The following TMEM132D variants were observed in gnomAD, a reference collection of about 807,000 sequenced individuals.
TMEM132D encodes mature OL transmembrane protein.
Under a neutral mutation model 62.3 loss-of-function variants are expected in TMEM132D, and 21 were observed. The observed-to-expected ratio is 0.34, with a 90% confidence interval of 0.24 to 0.49. The LOEUF (loss-of-function observed/expected upper bound fraction) is 0.49, where lower values mean the gene tolerates loss of function less well. Among genes scored for constraint, TMEM132D ranks in the 20% least tolerant of loss-of-function variants. The probability of loss-of-function intolerance (pLI) is 0.99; values close to 1 mark genes in which losing one functional copy is unlikely to be tolerated. For synonymous variants in TMEM132D, 621 were observed against 575.6 expected, an observed-to-expected ratio of 1.08 and a Z score of -1.13; for missense variants, 1,346 against 1,402.8, an observed-to-expected ratio of 0.96 and a Z score of 0.65.
intron 1 of TMEM132D, among the ~76,000 whole-genome samples, chr12:129,784,924 C>T (rs1033046251): frequency 6.6e-6 from 1 of 152,166 alleles, no homozygotes; most frequent in Admixed American, 6.5e-5. Flanking sequence ...CTAACCTCAA[C>T]ATCATCTATG....
At chr12:129,797,684 C>A (rs1871608278) in intron 1 of TMEM132D, among the ~76,000 whole-genome samples, 1 of 152,190 alleles carries the variant, frequency 6.6e-6, no homozygotes, top group African/African-American at 2.4e-5. Context: ...CAGGTGGAAG[C>A]CATTGTGCCT....
chr12:129,726,390 G>A (rs1156371745), intron 1 of TMEM132D, among the ~76,000 whole-genome samples: 1 of 152,072 alleles, frequency 6.6e-6, no homozygotes, highest in East Asian at 1.9e-4. Context: ...TACTGCAGGA[G>A]GTGCATTTGG....
intron 3 of TMEM132D, among the ~76,000 whole-genome samples, chr12:129,358,306 CTTGTTGT>C (rs530928931): frequency 1.4e-4 from 21 of 151,848 alleles, no homozygotes; most frequent in Non-Finnish European, 2.5e-4. Context: ...TTCTGGAACC[CTTGTTGT>C]TTGTTGGTTA....
intron 3 of TMEM132D, among the ~76,000 whole-genome samples, chr12:129,477,247 T>C (rs1874290960): frequency 6.6e-6 from 1 of 152,164 alleles, no homozygotes; most frequent in Non-Finnish European, 1.5e-5. Context: ...AGTCGTAAGA[T>C]GAGACGTTTG....
chr12:129,147,811 T>C (rs1160023899), intron 5 of TMEM132D, among the ~76,000 whole-genome samples: 5 of 152,216 alleles, frequency 3.3e-5, no homozygotes, highest in Non-Finnish European at 7.3e-5. Context: ...CAGCAAGCTT[T>C]TTGTGGGACA....
chr12:129,324,671 A>C (rs1868841457), intron 4 of TMEM132D, among the ~76,000 whole-genome samples: 1 of 152,022 alleles, frequency 6.6e-6, no homozygotes, highest in Non-Finnish European at 1.5e-5. Context: ...CCTACTAGAA[A>C]TACAAAAAAT....
intron 1 of TMEM132D, among the ~76,000 whole-genome samples, chr12:129,720,591 C>A (rs570936556): frequency 4.8e-4 from 73 of 152,276 alleles, no homozygotes; most frequent in African/African-American, 1.7e-3. Flanking sequence ...AGTGCCGTGG[C>A]TGGGCCGTCT....
At chr12:129,252,156 T>C (rs1472069151) in intron 4 of TMEM132D, among the ~76,000 whole-genome samples, 1 of 152,232 alleles carries the variant, frequency 6.6e-6, no homozygotes, top group Non-Finnish European at 1.5e-5. Context: ...TTCTGGCTTT[T>C]ATATTTCAAA....
intron 4 of TMEM132D, among the ~76,000 whole-genome samples, chr12:129,270,599 T>C (rs1880827659): frequency 6.6e-6 from 1 of 152,222 alleles, no homozygotes; most frequent in African/African-American, 2.4e-5. Flanking sequence ...AGGGCTTCCC[T>C]TGGATCTTTG....
chr12:129,773,033 C>T (rs1313066230), intron 1 of TMEM132D, among the ~76,000 whole-genome samples: 1 of 152,072 alleles, frequency 6.6e-6, no homozygotes, highest in East Asian at 1.9e-4. Context: ...GAAGAGTCAG[C>T]GGTTTGTTAG....
intron 3 of TMEM132D, among the ~76,000 whole-genome samples, chr12:129,398,910 A>G (rs556874031): frequency 2.6e-5 from 4 of 152,238 alleles, no homozygotes; most frequent in African/African-American, 7.2e-5. Flanking sequence ...TTGTGCTGCT[A>G]TAAGAGAATA....
At chr12:129,859,090 C>CA (rs1267411425) in intron 1 of TMEM132D, among the ~76,000 whole-genome samples, 1 of 150,666 alleles carries the variant, frequency 6.6e-6, no homozygotes, top group Non-Finnish European at 1.5e-5. Flanking sequence ...GGTGCCCTTA[C>CA]AAAAGAGTCC....
intron 1 of TMEM132D, among the ~76,000 whole-genome samples, chr12:129,725,269 T>A (rs943378908): frequency 6.6e-5 from 10 of 152,242 alleles, no homozygotes; most frequent in Non-Finnish European, 1.0e-4. Context: ...TAAATAATGG[T>A]ACAACGAGTC....
intron 3 of TMEM132D, among the ~76,000 whole-genome samples, chr12:129,346,796 A>G (rs1188521426): frequency 6.6e-6 from 1 of 152,298 alleles, no homozygotes; most frequent in Non-Finnish European, 1.5e-5. Context: ...ATGATTGTAT[A>G]TTTAGAAAAC....
At chr12:129,624,417 GAGTGGA>G (rs1194990965) in intron 2 of TMEM132D, among the ~76,000 whole-genome samples, 10 of 152,360 alleles carry the variant, frequency 6.6e-5, no homozygotes, top group African/African-American at 2.4e-4. Flanking sequence ...AAAGACATGT[GAGTGGA>G]ACAAAGAAGA....
chr12:129,390,556 C>T (rs1422634064), intron 3 of TMEM132D, among the ~76,000 whole-genome samples: 1 of 152,180 alleles, frequency 6.6e-6, no homozygotes, highest in Non-Finnish European at 1.5e-5. Context: ...TAAAGAAGAA[C>T]TGAGTGCTTT....
At chr12:129,621,160 G>C (rs896742197) in intron 2 of TMEM132D, among the ~76,000 whole-genome samples, 2 of 151,880 alleles carry the variant, frequency 1.3e-5, no homozygotes, top group African/African-American at 4.8e-5. Flanking sequence ...CCTCATCTCA[G>C]AACAAACACT....
chr12:129,674,210 G>C (rs1048327670), intron 2 of TMEM132D, among the ~76,000 whole-genome samples: 2 of 152,192 alleles, frequency 1.3e-5, no homozygotes, highest in African/African-American at 4.8e-5. Flanking sequence ...ATTTGAAATA[G>C]GCCCTGGAAG....
chr12:129,485,808 T>C (rs1407849520), intron 3 of TMEM132D, among the ~76,000 whole-genome samples: 2 of 152,188 alleles, frequency 1.3e-5, no homozygotes, highest in East Asian at 1.9e-4. Flanking sequence ...TCTGAATCCT[T>C]ACCTGGCATC....
Sources: gnomAD v4.1 joint callset for allele counts (sites outside exome capture counted in the v4.1 genomes callset) on GRCh38, gnomAD v4.1.1 for gene constraint, MANE v1.5 for transcripts, NCBI Gene and HGNC (gene_info 2026-07-23, HGNC 2026-07-21) for gene names.